Variants in POLQ observed in about 807,000 individuals in gnomAD.
POLQ encodes DNA polymerase theta.
A neutral mutation model predicts 259.2 loss-of-function variants in POLQ; 233 were observed. The observed-to-expected ratio is 0.90, with a 90% CI of 0.81 to 1.00. The LOEUF is 1.00. POLQ is among the 50% of genes least tolerant of loss of function. The pLI is 0.00. For synonymous variants in POLQ, 1,025 were observed against 1,048.8 expected (o/e 0.98, Z 0.44); for missense variants, 2,871 against 3,051.6 (o/e 0.94, Z 1.39).
In POLQ at chr3:121,432,953, G is replaced by C. The variant is rs1442530873; in HGVS notation, c.7624C>G (p.Leu2542Val). 28 of 1,607,580 alleles carry C rather than the reference G, an allele frequency of 1.7e-5. No individual in the cohort carries two copies. Among genetic ancestry groups the C allele is most frequent in the Non-Finnish European group, 1.9e-5 (22 of 1,174,192 alleles). Residue 2542 changes from leucine to valine, a missense_variant, in exon 29 of 30, where the codon CTC (leucine) becomes GTC (valine). Physicochemically the swap from Leu to Val is conservative, Grantham distance 32. This residue lies in a region of POLQ where 2,080 missense variants were observed against 2,126.0 expected (regional missense o/e 0.98). Coordinates refer to ENST00000264233, the MANE Select transcript of POLQ (RefSeq NM_199420.4). ...TCTTCTTCTGCCACTTCATATAGGA[G>C]TTCATCATGGAGTTGAAGGATGAAG... ...GFFILQLHDE[L>V]LYEVAEEDVV... is the part of the protein sequence containing the mutation.
intron 24 of POLQ, among the ~76,000 whole-genome samples, chr3:121,462,261 T>TG (rs1257786483): frequency 6.6e-6 from 1 of 150,996 alleles, no homozygotes; most frequent in African/African-American, 2.4e-5. Context: ...ACAAATTATA[T>TG]GGGAAAAAAA....
intron 5 of POLQ, among the ~76,000 whole-genome samples, chr3:121,534,593 T>C (rs765395188): frequency 2.0e-5 from 3 of 152,250 alleles, no homozygotes; most frequent in Non-Finnish European, 4.4e-5. Context: ...AGTGCTGGGA[T>C]TACAGGCATG....
At chr3:121,504,625 C>T (rs899751044) in intron 12 of POLQ, among the ~76,000 whole-genome samples, 1 of 152,150 alleles carries the variant, frequency 6.6e-6, no homozygotes, top group Non-Finnish European at 1.5e-5. Flanking sequence ...GACAAAAATA[C>T]TAGCAAACCA....
At chr3:121,529,493 C>T (rs1172145500) in intron 7 of POLQ, 152 bp downstream of exon 7, 13 of 718,602 alleles carry the variant, frequency 1.8e-5, no homozygotes, top group South Asian at 8.1e-5. Flanking sequence ...TTATTAGAAT[C>T]GCAAAAGCAC....
chr3:121,439,748 C>T (rs186326892), intron 27 of POLQ, among the ~76,000 whole-genome samples: 42 of 152,328 alleles, frequency 2.8e-4, no homozygotes, highest in African/African-American at 1.0e-3. Flanking sequence ...TGCAACAGAA[C>T]ATGTTTAAAG....
chr3:121,451,785 T>G (rs1020872539), intron 25 of POLQ, among the ~76,000 whole-genome samples: 2 of 152,182 alleles, frequency 1.3e-5, no homozygotes, highest in Non-Finnish European at 2.9e-5. Context: ...TCAAACTCCG[T>G]GCGGGGAGAA....
chr3:121,518,529 G>A (rs1399222502), intron 9 of POLQ, among the ~76,000 whole-genome samples: 1 of 152,122 alleles, frequency 6.6e-6, no homozygotes, highest in Non-Finnish European at 1.5e-5. Context: ...TATTATTTCG[G>A]GATTCTGAAT....
At chr3:121,508,186 C>T (rs938444140) in intron 12 of POLQ, among the ~76,000 whole-genome samples, 2 of 151,978 alleles carry the variant, frequency 1.3e-5, no homozygotes, top group African/African-American at 2.4e-5. Context: ...GCATACAACT[C>T]GAATGGTGAG....
chr3:121,537,206 T>A lies in POLQ; in HGVS notation c.634A>T (p.Met212Leu). The A allele has an allele frequency of 6.4e-7, 1 of 1,560,958 alleles. No homozygotes were observed. Among genetic ancestry groups the A allele is most frequent in the Non-Finnish European group, 8.8e-7 (1 of 1,133,904 alleles). The change falls in exon 5 of 30, where the codon ATG becomes TTG. Residue 212 changes from methionine to leucine, a missense_variant and splice_region_variant. By Grantham distance (15) the Met-to-Leu change is conservative. Transcript: ENST00000264233. ...IEENKMDLLG[M>L]VVVDELHMLG... ...ATATGTAATTCATCCACAACCACCATTCCTAAAAAGATTTTCCAGATACTA... is the reference window on the plus strand; with the variant it reads ...ATATGTAATTCATCCACAACCACCAATCCTAAAAAGATTTTCCAGATACTA...
At chr3:121,471,498 T>C (rs2047883149) in intron 22 of POLQ, among the ~76,000 whole-genome samples, 1 of 152,072 alleles carries the variant, frequency 6.6e-6, no homozygotes, top group African/African-American at 2.4e-5. Context: ...TCCCAGCACT[T>C]TGGGAGGCCG....
intron 7 of POLQ, among the ~76,000 whole-genome samples, chr3:121,525,290 A>G (rs1234218651): frequency 1.3e-5 from 2 of 152,046 alleles, no homozygotes; most frequent in South Asian, 2.1e-4. Context: ...GCAGTGGGCC[A>G]AGATAGCGCC....
At chr3:121,532,886 T>C (rs1165529998) in intron 6 of POLQ, 104 bp downstream of exon 6, 4 of 742,610 alleles carry the variant, frequency 5.4e-6, no homozygotes, top group Admixed American at 5.3e-5. Flanking sequence ...TCCTAATGTA[T>C]ATGTAACTCC....
In POLQ at chr3:121,450,384, T is replaced by A. The variant is rs184119240; in HGVS notation, c.7153-958A>T. ...TTTTATTATTTATTTATTTTTTTTA[T>A]TATACTTTAAGTTCTAGGGTATATG... On this transcript the variant is annotated intron_variant, in intron 25 of 29. Coordinates refer to ENST00000264233, the MANE Select transcript of POLQ (RefSeq NM_199420.4). Among the ~76,000 whole-genome samples the A allele has an allele frequency of 4.6e-3, 706 of 152,144 alleles. 9 individuals carry two copies. The highest frequency in any genetic ancestry group is 0.016 in the African/African-American group (662 of 41,454).
rs58512042 is a variant in POLQ at position 121,519,359 on chromosome 3, GATATAT to G, written c.1468+506_1468+511del. Among the ~76,000 whole-genome samples, 12 of 136,700 alleles carry G rather than the reference GATATAT, an allele frequency of 8.8e-5. 1 individual carries two copies. The highest frequency in any genetic ancestry group is 2.4e-4 in the African/African-American group (9 of 37,554). The allele number at this position is 136,700 out of a possible 152,430, so 89.7% of individuals were successfully genotyped here. On this transcript the variant is annotated intron_variant, in intron 9 of 29. Coordinates refer to ENST00000264233, the MANE Select transcript of POLQ (RefSeq NM_199420.4). ...CATTTGTAGAAAATCAACAGTTGAT[GATATAT>G]ATATATATATATATATATATGAAAA... is the stretch of plus-strand genomic sequence containing the variant.
At chr3:121,501,368 A>G (rs2048166094) in intron 12 of POLQ, among the ~76,000 whole-genome samples, 1 of 150,990 alleles carries the variant, frequency 6.6e-6, no homozygotes, top group Non-Finnish European at 1.5e-5. Flanking sequence ...CCATTTTATA[A>G]GAAATGCTAG....
chr3:121,513,938 CT>C (rs200823899), intron 9 of POLQ, among the ~76,000 whole-genome samples: 5,321 of 144,708 alleles, frequency 0.037, 136 homozygotes, highest in Middle Eastern at 0.091. Flanking sequence ...AGGAGAATCG[CT>C]TGAGCCCTGG....
Position 121,485,491 on chromosome 3 carries a change from T to C in POLQ, c.5630-307A>G, listed in dbSNP as rs145284981. 2.8e-3 allele frequency among the ~76,000 whole-genome samples: 430 copies of C among 152,314 alleles called. 2 individuals carry two copies. Among genetic ancestry groups the C allele is most frequent in the Non-Finnish European group, 1.2e-3 (84 of 68,010 alleles). On this transcript the variant is annotated intron_variant, in intron 16 of 29. Transcript: ENST00000264233. Reference sequence around the variant, plus strand: ...ACAAAAATACAGATCATTTGCATACTACAAATATTTTGCAGCAAATTCAGC... The same window carrying C: ...ACAAAAATACAGATCATTTGCATACCACAAATATTTTGCAGCAAATTCAGC...
chr3:121,475,794 C>T lies in POLQ; in HGVS notation c.6405+746G>A, dbSNP rs1013565976. On this transcript the variant is annotated intron_variant, in intron 20 of 29. Transcript: ENST00000264233. ...GGCCTGTAGCTTACATGCTTTCAGG[C>T]CCATCTGAATCACAAGGGCAGCAAT... is the stretch of plus-strand genomic sequence containing the variant. Among the ~76,000 whole-genome samples, 12 of 152,262 alleles carry T rather than the reference C, an allele frequency of 7.9e-5. No individual in the cohort carries two copies. In the East Asian group the frequency reaches 9.6e-4, roughly 12 times the overall value.
intron 6 of POLQ, among the ~76,000 whole-genome samples, chr3:121,531,846 A>G (rs2048413730): frequency 6.6e-6 from 1 of 152,248 alleles, no homozygotes; most frequent in Admixed American, 6.5e-5. Flanking sequence ...GGCACAGAGC[A>G]AAGCAAGCAA....
Sources: gnomAD v4.1 joint callset for allele counts (sites outside exome capture counted in the v4.1 genomes callset) on GRCh38, gnomAD v4.1.1 for gene constraint, gnomAD v4.1.1 regional missense constraint, MANE v1.5 for transcripts, NCBI Gene and HGNC (gene_info 2026-07-23, HGNC 2026-07-21) for gene names.